CYB5B: variants seen among roughly 807,000 people sequenced by gnomAD.
CYB5B encodes cytochrome b5 type B (outer mitochondrial membrane).
In CYB5B, 14 loss-of-function variants were observed where a neutral mutation model predicts 21.3. The ratio of observed to expected loss-of-function variants is 0.66; its 90% CI spans 0.43 to 1.03. The LOEUF is 1.03. Among genes scored for constraint, CYB5B ranks in the 50% least tolerant of loss-of-function variants. The pLI, the probability that CYB5B is intolerant of heterozygous loss-of-function variation, is 0.00. For missense variants in CYB5B, 166 were observed against 185.1 expected, an observed-to-expected ratio of 0.90 and a Z score of 0.60; for synonymous variants, 69 against 68.4, an observed-to-expected ratio of 1.01 and a Z score of -0.04.
At chr16:69,441,587 A>C (rs1333734643) in intron 1 of CYB5B, among the ~76,000 whole-genome samples, 1 of 152,206 alleles carries the variant, frequency 6.6e-6, no homozygotes, top group African/African-American at 2.4e-5. Context: ...GTACCCTGCC[A>C]CTTCCCTGGA....
chr16:69,447,859 A>G (rs2014893035), intron 2 of CYB5B, among the ~76,000 whole-genome samples: 1 of 152,140 alleles, frequency 6.6e-6, no homozygotes, highest in East Asian at 1.9e-4. Context: ...TTTACCTAAA[A>G]TAGTGGTTTG....
intron 1 of CYB5B, among the ~76,000 whole-genome samples, chr16:69,441,225 C>G (rs1375146488): frequency 6.7e-6 from 1 of 149,730 alleles, no homozygotes; most frequent in African/African-American, 2.5e-5. Flanking sequence ...ACAATCTCAG[C>G]TCACTGCAAC....
chr16:69,428,144 A>C (rs1422239600), intron 1 of CYB5B, among the ~76,000 whole-genome samples: 1 of 152,048 alleles, frequency 6.6e-6, no homozygotes, highest in Non-Finnish European at 1.5e-5. Context: ...ATTCTTATTT[A>C]TTCTGTTTTC....
rs977789680 is a variant in CYB5B at position 69,465,796 on chromosome 16, C to T, written c.*3276C>T. ...AAATGGATTCAGACATGTCTTGTCT[C>T]AACAAGAAATTGATTTTTTTTTAAA... On this transcript the variant is annotated 3_prime_UTR_variant, in exon 5 of 5. Coordinates refer to ENST00000307892, the MANE Select transcript of CYB5B (RefSeq NM_030579.3). 9.2e-5 allele frequency: 14 copies of T among 152,170 alleles called. No homozygotes were observed. Among genetic ancestry groups the T allele is most frequent in the Non-Finnish European group, 7.3e-5 (5 of 68,036 alleles). The allele number at this position is 152,170 out of a possible 1,614,324, so 9.4% of individuals were successfully genotyped here. A position where few individuals can be genotyped will look rare whatever the true frequency, so the allele number is the denominator to read the frequency against.
intron 4 of CYB5B, among the ~76,000 whole-genome samples, chr16:69,459,796 A>G (rs1471631982): frequency 6.6e-6 from 1 of 152,068 alleles, no homozygotes; most frequent in Non-Finnish European, 1.5e-5. Context: ...TTTTTCCCAT[A>G]AAGTATCAGA....
intron 3 of CYB5B, among the ~76,000 whole-genome samples, chr16:69,458,539 A>G (rs1597287560): frequency 6.6e-6 from 1 of 151,784 alleles, no homozygotes. Flanking sequence ...CCTTGACTCC[A>G]TTTTTTCTCT....
At chr16:69,446,274 T>C (rs984832044) in intron 1 of CYB5B, among the ~76,000 whole-genome samples, 7 of 152,206 alleles carry the variant, frequency 4.6e-5, no homozygotes, top group African/African-American at 1.4e-4. Flanking sequence ...ACATAGCTGA[T>C]AGTTATAGAA....
chr16:69,431,101 C>T (rs1262319637), intron 1 of CYB5B, among the ~76,000 whole-genome samples: 7 of 151,982 alleles, frequency 4.6e-5, no homozygotes, highest in East Asian at 1.9e-4. Flanking sequence ...TGGGTTCAAG[C>T]GATTTTCCTG....
chr16:69,437,450 G>T (rs2014772045), intron 1 of CYB5B, among the ~76,000 whole-genome samples: 1 of 152,118 alleles, frequency 6.6e-6, no homozygotes, highest in Admixed American at 6.6e-5. Flanking sequence ...TGAGTGTCTA[G>T]TAGATTTGAA....
intron 4 of CYB5B, among the ~76,000 whole-genome samples, chr16:69,461,625 A>T (rs1016537527): frequency 6.6e-6 from 1 of 152,222 alleles, no homozygotes; most frequent in African/African-American, 2.4e-5. Context: ...TGTGCTAATA[A>T]GTTCTATTAA....
chr16:69,455,704 C>T (rs534741221), intron 3 of CYB5B, among the ~76,000 whole-genome samples: 3 of 152,186 alleles, frequency 2.0e-5, no homozygotes, highest in African/African-American at 7.2e-5. Flanking sequence ...TGAGCCACCG[C>T]GACTGGCCTT....
chr16:69,425,136 T>G (rs1199329574), intron 1 of CYB5B, among the ~76,000 whole-genome samples: 1 of 152,210 alleles, frequency 6.6e-6, no homozygotes, highest in East Asian at 1.9e-4. Flanking sequence ...GCCATCATTA[T>G]CTTTATTTTA....
chr16:69,456,915 T>C (rs1421615384), intron 3 of CYB5B, among the ~76,000 whole-genome samples: 1 of 152,200 alleles, frequency 6.6e-6, no homozygotes. Context: ...GCCTTCAACA[T>C]CTCTTTGATT....
chr16:69,442,350 G>A (rs1471350772), intron 1 of CYB5B, among the ~76,000 whole-genome samples: 2 of 151,892 alleles, frequency 1.3e-5, no homozygotes, highest in Non-Finnish European at 2.9e-5. Context: ...TCACCAGAAG[G>A]AAAATGTAAA....
Position 69,465,197 on chromosome 16 carries a change from A to AGCTGCTGCT in CYB5B, c.*2692_*2700dup, listed in dbSNP as rs762583208. ...CGGTTGTTTATTCCTGAGGAAGACT[A>AGCTGCTGCT]GCTGCTGCTGCTGCTGCTGCTGCAA... On this transcript the variant is annotated 3_prime_UTR_variant, in exon 5 of 5. Transcript: ENST00000307892. 1.8e-4 allele frequency: 28 copies of AGCTGCTGCT among 157,510 alleles called. 7 individuals carry two copies. The highest frequency in any genetic ancestry group is 2.0e-4 in the South Asian group (1 of 4,928). The allele number at this position is 157,510 out of a possible 1,614,324, so 9.8% of individuals were successfully genotyped here.
intron 3 of CYB5B, chr16:69,448,906 G>A (rs1174746794): frequency 6.6e-6 from 1 of 152,006 alleles, no homozygotes; most frequent in Admixed American, 6.6e-5. Flanking sequence ...CCTCCTCCTT[G>A]CTGCTTGCTT....
At chr16:69,460,197 GC>G (rs1212989189) in intron 4 of CYB5B, among the ~76,000 whole-genome samples, 1 of 151,638 alleles carries the variant, frequency 6.6e-6, no homozygotes, top group African/African-American at 2.4e-5. Context: ...TCGCTCCATT[GC>G]ACTCCAGCCT....
At chr16:69,452,787 T>C (rs1250578819) in intron 3 of CYB5B, among the ~76,000 whole-genome samples, 6 of 152,114 alleles carry the variant, frequency 3.9e-5, no homozygotes, top group African/African-American at 1.2e-4. Context: ...GCTGGGTGGA[T>C]CACGAGGTCA....
chr16:69,438,392 A>C (rs1597281457), intron 1 of CYB5B, among the ~76,000 whole-genome samples: 1 of 152,274 alleles, frequency 6.6e-6, no homozygotes, highest in East Asian at 1.9e-4. Flanking sequence ...TCTGTTTTTA[A>C]TTCATTTGGA....
Sources: gnomAD v4.1 joint callset for allele counts (sites outside exome capture counted in the v4.1 genomes callset) on GRCh38, gnomAD v4.1.1 for gene constraint, MANE v1.5 for transcripts, NCBI Gene and HGNC (gene_info 2026-07-23, HGNC 2026-07-21) for gene names.